The following DENND1A variants were observed in gnomAD, a reference collection of about 807,000 sequenced individuals.
The protein encoded by DENND1A is DENN domain-containing protein 1A.
In DENND1A, 51 loss-of-function variants were observed where a neutral mutation model predicts 113.7. The ratio of observed to expected loss-of-function variants is 0.45; its 90% CI spans 0.36 to 0.57. The LOEUF (loss-of-function observed/expected upper bound fraction) is 0.57, where lower values mean the gene tolerates loss of function less well. Among genes scored for constraint, DENND1A ranks in the 20% least tolerant of loss-of-function variants. The pLI, the probability that DENND1A is intolerant of heterozygous loss-of-function variation, is 0.00. For missense variants in DENND1A, 1,258 were observed against 1,395.9 expected, an observed-to-expected ratio of 0.90 and a Z score of 1.57; for synonymous variants, 565 against 570.8, an observed-to-expected ratio of 0.99 and a Z score of 0.14.
At chr9:123,456,487 C>T (rs903196184) in intron 15 of DENND1A, among the ~76,000 whole-genome samples, 7 of 152,098 alleles carry the variant, frequency 4.6e-5, no homozygotes, top group African/African-American at 1.7e-4. Context: ...CTGCAGGGAC[C>T]AGGCACTCAA....
Position 123,402,273 on chromosome 9 carries a change from C to T in DENND1A, c.1631+1129G>A, listed in dbSNP as rs534584644. Among the ~76,000 whole-genome samples the T allele has an allele frequency of 1.4e-3, 220 of 152,266 alleles. 1 individual carries two copies. The highest frequency in any genetic ancestry group is 4.6e-3 in the African/African-American group (191 of 41,524). ...ACACACACACACACACGCACGCACA[C>T]ATATAATTCTGGAACTTTCTGGGCA... On this transcript the variant is annotated intron_variant, in intron 21 of 23. Coordinates refer to ENST00000394215, the MANE Select transcript of DENND1A (RefSeq NM_001352964.2).
intron 10 of DENND1A, among the ~76,000 whole-genome samples, chr9:123,612,159 T>C (rs1230332377): frequency 6.6e-6 from 1 of 152,230 alleles, no homozygotes; most frequent in African/African-American, 2.4e-5. Flanking sequence ...AAGCCTCAGA[T>C]ACTTCCCTGA....
At chr9:123,481,150 C>G (rs1423613423) in intron 13 of DENND1A, among the ~76,000 whole-genome samples, 3 of 152,146 alleles carry the variant, frequency 2.0e-5, no homozygotes, top group Non-Finnish European at 4.4e-5. Flanking sequence ...CAGAGAAGCG[C>G]CTCTTTTGAA....
intron 6 of DENND1A, 58 bp from the exon 7 acceptor site, chr9:123,671,429 C>T: frequency 1.9e-6 from 3 of 1,561,658 alleles, no homozygotes; most frequent in South Asian, 2.2e-5. Context: ...AGTAAGATAC[C>T]TGCAGGGAGG....
rs113719813 is a variant in DENND1A at position 123,646,217 on chromosome 9, A to G, written c.618+5796T>C. On this transcript the variant is annotated intron_variant, in intron 9 of 23. Coordinates refer to ENST00000394215, the MANE Select transcript of DENND1A (RefSeq NM_001352964.2). ...ATTAACTCATTTTAATTTTACTTCA[A>G]AGGAGGTCACTGGTGACTGGAAAAA... 9.2e-5 allele frequency among the ~76,000 whole-genome samples: 14 copies of G among 152,302 alleles called. 1 individual carries two copies. Among genetic ancestry groups the G allele is most frequent in the African/African-American group, 3.4e-4 (14 of 41,576 alleles).
At chr9:123,409,211 G>A (rs1294434080) in intron 20 of DENND1A, among the ~76,000 whole-genome samples, 1 of 152,058 alleles carries the variant, frequency 6.6e-6, no homozygotes, top group East Asian at 1.9e-4. Context: ...TCTCCTCTGT[G>A]TCTCTGCCAG....
chr9:123,413,995 G>C, intron 19 of DENND1A: 1 of 988,888 alleles, frequency 1.0e-6, no homozygotes, highest in Non-Finnish European at 1.2e-6. Flanking sequence ...TTCTACTTCG[G>C]GGGAACCATC....
rs750348677 is a variant in DENND1A at position 123,413,325 on chromosome 9, T to C, written c.1489-1496A>G. On this transcript the variant is annotated intron_variant, in intron 19 of 23. Transcript: ENST00000394215. ...AATATTTTGGATATATTGGGTTCAT[T>C]ATATTAAAATCAATTTCACCTGTTT... The C allele has an allele frequency of 2.8e-4, 210 of 760,734 alleles. 1 individual carries two copies. Among genetic ancestry groups the C allele is most frequent in the Admixed American group, 3.7e-4 (6 of 16,020 alleles). 47.1% of individuals were successfully genotyped at this position (760,734 alleles called of 1,614,324 possible). A position where few individuals can be genotyped will look rare whatever the true frequency, so the allele number is the denominator to read the frequency against.
At chr9:123,649,135 C>A (rs1220723515) in intron 9 of DENND1A, among the ~76,000 whole-genome samples, 1 of 152,138 alleles carries the variant, frequency 6.6e-6, no homozygotes, top group Non-Finnish European at 1.5e-5. Flanking sequence ...CTATGTAAAA[C>A]CCTATGGGGG....
chr9:123,551,319 T>G (rs777206101), intron 13 of DENND1A, among the ~76,000 whole-genome samples: 4 of 152,226 alleles, frequency 2.6e-5, no homozygotes, highest in Non-Finnish European at 5.9e-5. Context: ...CCTCAAATGC[T>G]TCCCTATTCC....
At chr9:123,633,987 A>G (rs926724634) in intron 9 of DENND1A, among the ~76,000 whole-genome samples, 3 of 152,360 alleles carry the variant, frequency 2.0e-5, no homozygotes, top group African/African-American at 7.2e-5. Flanking sequence ...TAACATCATC[A>G]CATGAATTAA....
At chr9:123,754,927 T>C (rs2070389833) in intron 5 of DENND1A, among the ~76,000 whole-genome samples, 1 of 152,168 alleles carries the variant, frequency 6.6e-6, no homozygotes, top group South Asian at 2.1e-4. Context: ...TGCTGAGTGA[T>C]AGTGCCAGTT....
chr9:123,903,619 C>T (rs1852150196), intron 1 of DENND1A, among the ~76,000 whole-genome samples: 1 of 152,132 alleles, frequency 6.6e-6, no homozygotes, highest in Non-Finnish European at 1.5e-5. Context: ...ACGGATGCAC[C>T]TGGAAAATTG....
intron 2 of DENND1A, among the ~76,000 whole-genome samples, chr9:123,832,430 C>A (rs1840365933): frequency 6.6e-6 from 1 of 152,162 alleles, no homozygotes. Flanking sequence ...GATGAGGATG[C>A]AAATCAGTTC....
chr9:123,853,216 C>T (rs1564392199), intron 2 of DENND1A, among the ~76,000 whole-genome samples: 1 of 151,594 alleles, frequency 6.6e-6, no homozygotes, highest in Non-Finnish European at 1.5e-5. Flanking sequence ...CCACGCCCAG[C>T]CTTTAAATTT....
At position 123,493,438 on chromosome 9, in the gene DENND1A, C is replaced by T. The variant is rs1006175054; in HGVS notation, c.994-35541G>A. ...AAGAGGATGGGCGGTGCAGCGGGTCCGGATGAAAACTTGGAGGGGTGGGAA... is the reference window on the plus strand; with the variant it reads ...AAGAGGATGGGCGGTGCAGCGGGTCTGGATGAAAACTTGGAGGGGTGGGAA... On this transcript the variant is annotated intron_variant, in intron 13 of 23. Coordinates refer to ENST00000394215, the MANE Select transcript of DENND1A (RefSeq NM_001352964.2). 4.6e-5 allele frequency among the ~76,000 whole-genome samples: 7 copies of T among 152,236 alleles called. No homozygotes were observed. The East Asian group carries it at 5.8e-4, about 13-fold the overall frequency.
chr9:123,631,596 T>C (rs1309784225), intron 9 of DENND1A, among the ~76,000 whole-genome samples: 1 of 152,220 alleles, frequency 6.6e-6, no homozygotes. Flanking sequence ...CCTCCAAATT[T>C]TCCCCTAGCA....
chr9:123,499,185 C>T (rs978721496), intron 13 of DENND1A, among the ~76,000 whole-genome samples: 6 of 152,170 alleles, frequency 3.9e-5, no homozygotes, highest in African/African-American at 1.4e-4. Context: ...AGGCACACGC[C>T]ACCACGCCTG....
chr9:123,901,929 C>A (rs1049208631), intron 1 of DENND1A, among the ~76,000 whole-genome samples: 2 of 151,990 alleles, frequency 1.3e-5, no homozygotes, highest in Non-Finnish European at 2.9e-5. Flanking sequence ...TGGTGTGAAC[C>A]CGGGAGACAG....
Sources: allele counts gnomAD v4.1 joint callset (sites outside exome capture counted in the v4.1 genomes callset), GRCh38; gene constraint gnomAD v4.1.1; transcripts MANE v1.5; gene names NCBI Gene and HGNC (gene_info 2026-07-23, HGNC 2026-07-21).